CLNK: variants seen among roughly 807,000 people sequenced by gnomAD.
CLNK encodes the protein cytokine dependent hematopoietic cell linker.
In CLNK, 74 loss-of-function variants were observed where a neutral mutation model predicts 68.6. The observed-to-expected ratio is 1.08, with a 90% CI of 0.89 to 1.31. The LOEUF is 1.31. CLNK is among the 50% of genes most tolerant of loss of function. CLNK has a pLI of 0.00. For missense variants in CLNK, 553 were observed against 515.3 expected (o/e 1.07, Z -0.71); for synonymous variants, 198 against 172.2 (o/e 1.15, Z -1.17).
intron 2 of CLNK, among the ~76,000 whole-genome samples, chr4:10,627,176 T>C (rs1722708623): frequency 6.6e-6 from 1 of 152,142 alleles, no homozygotes; most frequent in Admixed American, 6.5e-5. Context: ...ACGAAAACTG[T>C]GAGTTTTACA....
At chr4:10,674,589 T>C (rs1401654791) in intron 1 of CLNK, among the ~76,000 whole-genome samples, 1 of 152,124 alleles carries the variant, frequency 6.6e-6, no homozygotes, top group Non-Finnish European at 1.5e-5. Context: ...GTGTGTGTTG[T>C]CTCCCTACGG....
rs1333874204 is a variant in CLNK, at chr4:10,487,023, A to G, written c.*3444T>C. On this transcript the variant is annotated 3_prime_UTR_variant, in exon 19 of 19. Transcript: ENST00000226951. ...ATGACTAATGATGAGGGCTATGCAC[A>G]TTTATACAGAATGAGAATTATTTAG... is the stretch of plus-strand genomic sequence containing the variant. 6.6e-6 allele frequency: 1 copy of G among 152,276 alleles called. No individual in the cohort carries two copies. Among genetic ancestry groups the G allele is most frequent in the East Asian group, 1.9e-4 (1 of 5,206 alleles). The allele number at this position is 152,276 out of a possible 1,614,324, so 9.4% of individuals were successfully genotyped here.
chr4:10,655,807 GC>G (rs1316624663), intron 2 of CLNK, among the ~76,000 whole-genome samples: 1 of 151,576 alleles, frequency 6.6e-6, no homozygotes, highest in Non-Finnish European at 1.5e-5. Context: ...CCACCACCAC[GC>G]CCAGCTAGTT....
At chr4:10,551,325 A>G (rs1577123690) in intron 8 of CLNK, among the ~76,000 whole-genome samples, 1 of 151,786 alleles carries the variant, frequency 6.6e-6, no homozygotes, top group African/African-American at 2.4e-5. Context: ...GCTCACTGCA[A>G]CCTCTGCCTC....
chr4:10,684,502 T>C (rs1281330382), intron 1 of CLNK, among the ~76,000 whole-genome samples, 166 bp downstream of exon 1: 1 of 152,178 alleles, frequency 6.6e-6, no homozygotes, highest in East Asian at 1.9e-4. Context: ...TCTTTAACAA[T>C]TGAGTTAAGG....
chr4:10,638,238 A>T (rs1019549904), intron 2 of CLNK, among the ~76,000 whole-genome samples: 2 of 152,170 alleles, frequency 1.3e-5, no homozygotes, highest in Non-Finnish European at 2.9e-5. Context: ...AGGATTCGTA[A>T]CCACCCTGGG....
At chr4:10,715,536 A>G in the CLNK span, among the ~76,000 whole-genome samples, 1 of 152,194 alleles carries the variant, frequency 6.6e-6, no homozygotes, top group African/African-American at 2.4e-5. Context: ...TTGTGATTCA[A>G]ACTAACATTC....
chr4:10,553,952 G>A (rs1194169994), intron 8 of CLNK, among the ~76,000 whole-genome samples: 3 of 152,210 alleles, frequency 2.0e-5, no homozygotes, highest in African/African-American at 7.2e-5. Flanking sequence ...TGCTTCCTGG[G>A]AAGGTGGTGA....
At chr4:10,727,191 C>G in the CLNK span, among the ~76,000 whole-genome samples, 1 of 152,310 alleles carries the variant, frequency 6.6e-6, no homozygotes, top group Middle Eastern at 3.4e-3. Context: ...TCATATAGAG[C>G]AAGAGCCATT....
chr4:10,663,284 C>A (rs1724265233), intron 2 of CLNK, among the ~76,000 whole-genome samples: 1 of 152,140 alleles, frequency 6.6e-6, no homozygotes, highest in African/African-American at 2.4e-5. Context: ...AGTTTTGTTG[C>A]AGGGAAAGTC....
In CLNK at chr4:10,645,432, C is replaced by G. The variant is rs149941448; in HGVS notation, c.11+22427G>C. Reference sequence around the variant, plus strand: ...GATTCTATACTCATCCTGAAATATCCATTCCTCTCCTTTCGGAGGGTAAGA... The same window carrying G: ...GATTCTATACTCATCCTGAAATATCGATTCCTCTCCTTTCGGAGGGTAAGA... On this transcript the variant is annotated intron_variant, in intron 2 of 18. Transcript: ENST00000226951. 2.7e-3 allele frequency among the ~76,000 whole-genome samples: 409 copies of G among 152,264 alleles called. 2 individuals are homozygous for G. The highest frequency in any genetic ancestry group is 9.0e-3 in the African/African-American group (374 of 41,544).
chr4:10,683,310 G>A (rs1396366195), intron 1 of CLNK, among the ~76,000 whole-genome samples: 1 of 152,134 alleles, frequency 6.6e-6, no homozygotes, highest in Non-Finnish European at 1.5e-5. Context: ...TGGCCAGATG[G>A]TACAGAAGAT....
In CLNK at chr4:10,516,290, GTAAT is replaced by G. The variant is rs572001144; in HGVS notation, c.773-2697_773-2694del. The stretch of plus-strand genomic sequence containing the variant: ...ATACAGAATTATAAGCTTTTTAGTT[GTAAT>G]TAATTCTAAAAAACATAACCAAAGT... On this transcript the variant is annotated intron_variant, in intron 15 of 18. Coordinates refer to ENST00000226951, the MANE Select transcript of CLNK (RefSeq NM_052964.4). Among the ~76,000 whole-genome samples the G allele has an allele frequency of 3.3e-5, 5 of 152,122 alleles. 1 individual carries two copies. The highest frequency in any genetic ancestry group is 7.4e-5 in the Non-Finnish European group (5 of 68,026).
the CLNK span, among the ~76,000 whole-genome samples, chr4:10,696,233 C>G: frequency 4.6e-5 from 7 of 152,172 alleles, no homozygotes; most frequent in African/African-American, 1.7e-4. Flanking sequence ...TCGTGTGCCA[C>G]CACAGGTCTT....
intron 14 of CLNK, among the ~76,000 whole-genome samples, chr4:10,522,486 A>G (rs1718119670): frequency 6.9e-6 from 1 of 145,192 alleles, no homozygotes; most frequent in Non-Finnish European, 1.5e-5. Context: ...AGGCGGGAGA[A>G]TTGCTTAAAC....
At chr4:10,584,102 T>A (rs1013474668) in intron 4 of CLNK, among the ~76,000 whole-genome samples, 52 of 152,252 alleles carry the variant, frequency 3.4e-4, no homozygotes, top group African/African-American at 1.2e-3. Flanking sequence ...GAATGAAAAC[T>A]TTTTCTGTAG....
chr4:10,624,804 AAC>A (rs972258671), intron 2 of CLNK, among the ~76,000 whole-genome samples: 1 of 152,026 alleles, frequency 6.6e-6, no homozygotes, highest in African/African-American at 2.4e-5. Flanking sequence ...CATTTGGAGG[AAC>A]ACACCTTGGG....
the CLNK span, among the ~76,000 whole-genome samples, chr4:10,699,531 T>TTTTTTTTGG: frequency 8.8e-6 from 1 of 113,880 alleles, no homozygotes; most frequent in Non-Finnish European, 1.8e-5. Context: ...TTTTTTTTTC[T>TTTTTTTTGG]GAGACGGTTT....
intron 2 of CLNK, among the ~76,000 whole-genome samples, chr4:10,616,992 G>A (rs1171314007): frequency 6.6e-6 from 1 of 151,886 alleles, no homozygotes; most frequent in Non-Finnish European, 1.5e-5. Flanking sequence ...GAAACTCTGG[G>A]CTTCTGGCCT....
Sources: allele counts gnomAD v4.1 joint callset (sites outside exome capture counted in the v4.1 genomes callset), GRCh38; gene constraint gnomAD v4.1.1; transcripts MANE v1.5; gene names NCBI Gene and HGNC (gene_info 2026-07-23, HGNC 2026-07-21).